The following SHF variants were observed in gnomAD, a reference collection of about 807,000 sequenced individuals.
SHF encodes Src homology 2 domain containing F, also known as SH2 domain-containing adapter protein F.
A neutral mutation model predicts 42.4 loss-of-function variants in SHF; 30 were observed. The ratio of observed to expected loss-of-function variants is 0.71; its 90% confidence interval spans 0.53 to 0.96. The LOEUF (loss-of-function observed/expected upper bound fraction) is 0.96. Ranked by LOEUF, SHF falls within the 40% of genes least tolerant of loss-of-function variation. SHF has a pLI of 0.00. For synonymous variants in SHF, 264 were observed against 269.9 expected (o/e 0.98, Z 0.21); for missense variants, 598 against 634.0 (o/e 0.94, Z 0.61).
upstream of SHF, among the ~76,000 whole-genome samples, chr15:45,192,072 C>T (rs1898722458): frequency 6.6e-6 from 1 of 151,788 alleles, no homozygotes; most frequent in Admixed American, 6.6e-5. Flanking sequence ...TTGCAAATAT[C>T]ATGACACTTT....
intron 2 of SHF, chr15:45,198,702 T>G: frequency 9.1e-6 from 14 of 1,532,746 alleles, no homozygotes; most frequent in Non-Finnish European, 1.2e-5. Flanking sequence ...CCGTAGGGGT[T>G]GGCTTCTGAT....
intron 2 of SHF, among the ~76,000 whole-genome samples, chr15:45,196,623 C>T (rs62026664): frequency 0.33 from 49,665 of 151,740 alleles, 9,178 homozygotes; most frequent in East Asian, 0.61. Flanking sequence ...AAAGGCCGGG[C>T]GTGGTGGCTC....
intron 2 of SHF, among the ~76,000 whole-genome samples, chr15:45,198,003 G>A (rs1898919784): frequency 6.6e-6 from 1 of 152,072 alleles, no homozygotes; most frequent in African/African-American, 2.4e-5. Context: ...GGTGAAAAAT[G>A]AAAAAGAGCT....
chr15:45,192,108 G>A (rs930009929), upstream of SHF, among the ~76,000 whole-genome samples: 2 of 151,778 alleles, frequency 1.3e-5, no homozygotes, highest in Admixed American at 1.3e-4. Flanking sequence ...AGCAGGCATT[G>A]CCAAAGAATA....
chr15:45,187,792 G>T lies in SHF; in HGVS notation c.160C>A (p.His54Asn). Residue 54 changes from histidine (H) to asparagine (N), a missense_variant, in exon 1 of 7, where the codon CAC (histidine) becomes AAC (asparagine). His to Asn is a moderately conservative substitution (Grantham distance 68). Around this residue, in one of 2 missense-constraint regions of SHF, gnomAD observed 159 missense variants for 109.3 expected, o/e 1.45. Transcript: ENST00000690270. Reference sequence around the variant, plus strand: ...CCGCCCCCCCCGCGGAAGCCCAGGTGCTCCCGGAGCCACTTGGCTACTCCG... The same window carrying T: ...CCGCCCCCCCCGCGGAAGCCCAGGTTCTCCCGGAGCCACTTGGCTACTCCG... ...SGGVAKWLREHLGFRGGGGGG... is the reference protein window; with the variant it reads ...SGGVAKWLRENLGFRGGGGGG... 1 of 825,918 alleles carries T rather than the reference G, an allele frequency of 1.2e-6. No homozygotes were observed. The highest frequency in any genetic ancestry group is 1.6e-6 in the Non-Finnish European group (1 of 626,998). 51.2% of individuals were successfully genotyped at this position (825,918 alleles called of 1,614,324 possible). A position where few individuals can be genotyped will look rare whatever the true frequency, so the allele number is the denominator to read the frequency against.
At chr15:45,172,356 T>A (rs1897551746) in intron 4 of SHF, 38 bp from the exon 5 acceptor site, 1 of 1,533,764 alleles carries the variant, frequency 6.5e-7, no homozygotes, top group Admixed American at 2.1e-5. Flanking sequence ...CTAAGGACCC[T>A]AGAGGTCCTC....
At chr15:45,176,686 C>T (rs1897828265) in intron 2 of SHF, among the ~76,000 whole-genome samples, 1 of 152,144 alleles carries the variant, frequency 6.6e-6, no homozygotes, top group Non-Finnish European at 1.5e-5. Context: ...AAACTGACCA[C>T]CTTCTCCAAA....
intron 2 of SHF, chr15:45,198,523 G>T: frequency 2.1e-6 from 1 of 466,434 alleles, no homozygotes; most frequent in Non-Finnish European, 3.7e-6. Flanking sequence ...TTCGTTTCAA[G>T]AAAGTGAATT....
At chr15:45,192,352 T>C (rs1294856749), upstream of SHF, among the ~76,000 whole-genome samples, 1 of 147,544 alleles carries the variant, frequency 6.8e-6, no homozygotes, top group Non-Finnish European at 1.5e-5. Context: ...TTTTTTCTGA[T>C]TCCAGATTTT....
At chr15:45,174,207 A>T in intron 3 of SHF, 1 of 187,474 alleles carries the variant, frequency 5.3e-6, no homozygotes, top group Non-Finnish European at 1.1e-5. Context: ...AGGATTACTC[A>T]GACTTGAGGG....
chr15:45,172,919 G>T (rs1433764581), intron 4 of SHF, among the ~76,000 whole-genome samples: 1 of 152,102 alleles, frequency 6.6e-6, no homozygotes, highest in African/African-American at 2.4e-5. Context: ...CAGACCAGGG[G>T]AGCCTGATGG....
chr15:45,183,562 A>G (rs1347008555), intron 1 of SHF, among the ~76,000 whole-genome samples: 1 of 152,204 alleles, frequency 6.6e-6, no homozygotes, highest in African/African-American at 2.4e-5. Flanking sequence ...TTGCTCTCAC[A>G]TAATATGTTG....
Position 45,178,321 on chromosome 15 carries a change from T to C in SHF, c.499-15A>G, listed in dbSNP as rs1426889723. ...AGGATAGCTAGCTGTGGGAGGAGAG[T>C]GAAGAGAGTGGGCTTCAGGGAGCAG... On this transcript the variant is annotated splice_polypyrimidine_tract_variant and intron_variant, in intron 1 of 6. Transcript: ENST00000690270. 1 of 1,609,564 alleles carries C rather than the reference T, an allele frequency of 6.2e-7. No homozygotes were observed. The highest frequency in any genetic ancestry group is 8.5e-7 in the Non-Finnish European group (1 of 1,177,784).
chr15:45,200,503 G>A (rs749510840), intron 1 of SHF: 4 of 354,156 alleles, frequency 1.1e-5, no homozygotes, highest in East Asian at 7.3e-5. Context: ...AGGGACACAG[G>A]ACCTCGGCTT....
intron 2 of SHF, among the ~76,000 whole-genome samples, chr15:45,193,567 T>C (rs919407715): frequency 6.6e-6 from 1 of 152,176 alleles, no homozygotes; most frequent in African/African-American, 2.4e-5. Flanking sequence ...CAGATATGCA[T>C]TTGTCTCAAA....
At chr15:45,198,118 A>AC (rs1316078031) in intron 2 of SHF, among the ~76,000 whole-genome samples, 2 of 151,992 alleles carry the variant, frequency 1.3e-5, no homozygotes, top group African/African-American at 4.8e-5. Context: ...AAACAAACAA[A>AC]AAAAAATTAT....
chr15:45,175,970 C>T (rs1478019938), intron 2 of SHF, among the ~76,000 whole-genome samples: 1 of 152,060 alleles, frequency 6.6e-6, no homozygotes, highest in African/African-American at 2.4e-5. Context: ...AGACATCCGC[C>T]ATCATGCCCG....
intron 3 of SHF, among the ~76,000 whole-genome samples, chr15:45,174,647 A>G (rs1309751877): frequency 6.6e-6 from 1 of 152,166 alleles, no homozygotes; most frequent in African/African-American, 2.4e-5. Flanking sequence ...GACCACTAAC[A>G]TGAACTTTTC....
chr15:45,181,396 T>C (rs1488860169), intron 1 of SHF, among the ~76,000 whole-genome samples: 1 of 152,248 alleles, frequency 6.6e-6, no homozygotes, highest in East Asian at 1.9e-4. Context: ...TAGAAGTTCC[T>C]GGGCAGAACC....
Sources: allele counts gnomAD v4.1 joint callset (sites outside exome capture counted in the v4.1 genomes callset), GRCh38; gene constraint gnomAD v4.1.1; regional missense constraint gnomAD v4.1.1; transcripts MANE v1.5; gene names NCBI Gene and HGNC (gene_info 2026-07-23, HGNC 2026-07-21).